Variants in AGBL1 observed in about 807,000 individuals in gnomAD.
The protein encoded by AGBL1 is cytosolic carboxypeptidase 4.
Under a neutral mutation model 118.9 loss-of-function variants are expected in AGBL1, and 130 were observed. The ratio of observed to expected loss-of-function variants is 1.09; its 90% CI spans 0.95 to 1.26. The LOEUF (loss-of-function observed/expected upper bound fraction) is 1.26, where lower values mean the gene tolerates loss of function less well. Among genes scored for constraint, AGBL1 ranks in the 50% most tolerant of loss-of-function variants. AGBL1 has a pLI of 0.00. For missense variants in AGBL1, 1,584 were observed against 1,298.1 expected, an observed-to-expected ratio of 1.22 and a Z score of -3.38; for synonymous variants, 555 against 478.9, an observed-to-expected ratio of 1.16 and a Z score of -2.08.
At chr15:86,755,055 T>A (rs1010267881) in intron 22 of AGBL1, among the ~76,000 whole-genome samples, 3 of 152,110 alleles carry the variant, frequency 2.0e-5, no homozygotes, top group Non-Finnish European at 4.4e-5. Flanking sequence ...GGAAATTGCA[T>A]CATCCATATA....
chr15:86,755,439 A>G (rs1442738108), intron 22 of AGBL1, among the ~76,000 whole-genome samples: 2 of 152,110 alleles, frequency 1.3e-5, no homozygotes, highest in Non-Finnish European at 2.9e-5. Context: ...AAGCACAGCT[A>G]AAGTTAAAAT....
chr15:86,626,373 T>C (rs1245070928), intron 21 of AGBL1, among the ~76,000 whole-genome samples: 1 of 152,162 alleles, frequency 6.6e-6, no homozygotes, highest in Non-Finnish European at 1.5e-5. Context: ...TGGATGGAGC[T>C]GGAGGTCATT....
At chr15:86,399,658 A>G (rs2081416603) in intron 18 of AGBL1, among the ~76,000 whole-genome samples, 1 of 152,184 alleles carries the variant, frequency 6.6e-6, no homozygotes, top group Admixed American at 6.5e-5. Context: ...TTAAATGCTT[A>G]CACCACCAAA....
chr15:86,796,708 C>G (rs1389675872), intron 22 of AGBL1, among the ~76,000 whole-genome samples: 1 of 152,180 alleles, frequency 6.6e-6, no homozygotes, highest in African/African-American at 2.4e-5. Context: ...ATTATTAGAA[C>G]ATAGCTACAC....
At chr15:86,287,708 C>T (rs911681724) in intron 16 of AGBL1, among the ~76,000 whole-genome samples, 1 of 152,034 alleles carries the variant, frequency 6.6e-6, no homozygotes, top group Non-Finnish European at 1.5e-5. Context: ...CTGGCAAGGA[C>T]CCATGTGGTC....
At chr15:86,932,517 C>T (rs555510530) in intron 23 of AGBL1, among the ~76,000 whole-genome samples, 2 of 152,218 alleles carry the variant, frequency 1.3e-5, no homozygotes, top group Admixed American at 6.5e-5. Flanking sequence ...AATAGCTTTG[C>T]GTGGGTGTTG....
intron 12 of AGBL1, 120 bp downstream of exon 12, chr15:86,266,577 C>A: frequency 1.4e-6 from 1 of 736,136 alleles, no homozygotes; most frequent in Non-Finnish European, 2.1e-6. Flanking sequence ...GATGAAAATC[C>A]AGGTTAAAGA....
chr15:86,504,592 C>T (rs1337805912), intron 18 of AGBL1, among the ~76,000 whole-genome samples: 2 of 151,134 alleles, frequency 1.3e-5, no homozygotes, highest in Non-Finnish European at 3.0e-5. Context: ...TTTATAACTG[C>T]CTTGGGGATT....
intron 22 of AGBL1, among the ~76,000 whole-genome samples, chr15:86,748,935 A>T (rs1234980097): frequency 4.6e-5 from 7 of 152,062 alleles, no homozygotes; most frequent in Non-Finnish European, 8.8e-5. Flanking sequence ...GTTTGAAGTC[A>T]GGTAGCATGG....
Position 86,674,351 on chromosome 15 carries a change from T to C in AGBL1, c.3073T>C (p.Ser1025Pro). The C allele has an allele frequency of 6.2e-7, 1 of 1,612,754 alleles. No individual in the cohort carries two copies. Among genetic ancestry groups the C allele is most frequent in the South Asian group, 1.1e-5 (1 of 90,784 alleles). The change falls in exon 22 of 23, where the codon TCT becomes CCT. Residue 1025 changes from serine to proline, a missense_variant. Transcript: ENST00000614907. ...GGGCCTCCTCATCCTGGAGCTCAAA[T>C]CTGCCAGCTGCAGCCATCAGCTCCT... ...CLGLLILELKSASCSHQLLAQ... is the reference protein window; with the variant it reads ...CLGLLILELKPASCSHQLLAQ...
chr15:86,591,428 C>G (rs2084334345), intron 21 of AGBL1, among the ~76,000 whole-genome samples: 1 of 152,180 alleles, frequency 6.6e-6, no homozygotes, highest in African/African-American at 2.4e-5. Flanking sequence ...TTCCAGACAC[C>G]AGTCACAAGT....
chr15:86,856,272 T>C (rs1267115633), intron 22 of AGBL1, among the ~76,000 whole-genome samples: 1 of 152,184 alleles, frequency 6.6e-6, no homozygotes, highest in Admixed American at 6.5e-5. Flanking sequence ...AAGTCCTCTT[T>C]CTCTGAGTGT....
intron 23 of AGBL1, among the ~76,000 whole-genome samples, chr15:86,987,028 T>G (rs544010962): frequency 6.6e-6 from 1 of 152,124 alleles, no homozygotes; most frequent in East Asian, 1.9e-4. Flanking sequence ...GTTGGGGAGC[T>G]TTTTGAGCCA....
intron 5 of AGBL1, among the ~76,000 whole-genome samples, chr15:86,179,380 T>C (rs1365455773): frequency 6.6e-6 from 1 of 152,218 alleles, no homozygotes; most frequent in Admixed American, 6.5e-5. Context: ...GTGATATTTG[T>C]TGCAAGAATG....
At chr15:86,332,364 G>A (rs762803891) in intron 17 of AGBL1, among the ~76,000 whole-genome samples, 13 of 151,882 alleles carry the variant, frequency 8.6e-5, no homozygotes, top group Non-Finnish European at 1.6e-4. Context: ...AACAAACTCC[G>A]GGCCAGGCGC....
intron 17 of AGBL1, chr15:86,296,440 A>G (rs11853932): frequency 0.34 from 51,015 of 149,318 alleles, 8,900 homozygotes; most frequent in African/African-American, 0.38. Context: ...CTTCCCTGGT[A>G]AAGATACACC....
At chr15:86,702,149 A>C (rs1331739687) in intron 22 of AGBL1, among the ~76,000 whole-genome samples, 1 of 152,184 alleles carries the variant, frequency 6.6e-6, no homozygotes, top group Non-Finnish European at 1.5e-5. Flanking sequence ...AGAGTATTAC[A>C]AAGAAATATA....
chr15:86,344,019 G>A (rs2080499833), intron 17 of AGBL1, among the ~76,000 whole-genome samples: 1 of 152,194 alleles, frequency 6.6e-6, no homozygotes, highest in African/African-American at 2.4e-5. Flanking sequence ...TTTGTTTCCT[G>A]GCGGTAAATT....
intron 22 of AGBL1, among the ~76,000 whole-genome samples, chr15:86,751,817 T>A (rs913281448): frequency 1.4e-4 from 21 of 152,086 alleles, no homozygotes; most frequent in Non-Finnish European, 1.9e-4. Context: ...AATGAAAAGG[T>A]TTATTATTAG....
Sources: gnomAD v4.1 joint callset for allele counts (sites outside exome capture counted in the v4.1 genomes callset) on GRCh38, gnomAD v4.1.1 for gene constraint, MANE v1.5 for transcripts, NCBI Gene and HGNC (gene_info 2026-07-23, HGNC 2026-07-21) for gene names.